The following THSD7B variants were observed in gnomAD, a reference collection of about 807,000 sequenced individuals.
THSD7B encodes thrombospondin type 1 domain containing 7B.
Under a neutral mutation model 213.6 loss-of-function variants are expected in THSD7B, and 138 were observed. The observed-to-expected ratio is 0.65, with a 90% CI of 0.56 to 0.74. The LOEUF (loss-of-function observed/expected upper bound fraction) is 0.74. THSD7B is among the 30% of genes least tolerant of loss of function. The pLI, the probability that THSD7B is intolerant of heterozygous loss-of-function variation, is 0.00. For synonymous variants in THSD7B, 742 were observed against 687.0 expected (o/e 1.08, Z -1.25); for missense variants, 1,931 against 1,991.5 (o/e 0.97, Z 0.58).
intron 15 of THSD7B, among the ~76,000 whole-genome samples, chr2:137,482,246 A>C (rs901583422): frequency 3.3e-5 from 5 of 152,010 alleles, no homozygotes; most frequent in African/African-American, 1.2e-4. Flanking sequence ...AAAACTGTTG[A>C]CTAATCATTA....
intron 15 of THSD7B, among the ~76,000 whole-genome samples, chr2:137,544,664 T>G (rs1176508664): frequency 6.6e-6 from 1 of 151,900 alleles, no homozygotes; most frequent in Non-Finnish European, 1.5e-5. Flanking sequence ...AGAGTGATTT[T>G]TATAATATTC....
At chr2:137,459,114 A>G (rs1687827933) in intron 15 of THSD7B, among the ~76,000 whole-genome samples, 1 of 152,118 alleles carries the variant, frequency 6.6e-6, no homozygotes, top group Non-Finnish European at 1.5e-5. Context: ...GACCTCTTAT[A>G]CTAGTTTGAA....
At chr2:136,838,427 A>G in intron 1 of THSD7B, among the ~76,000 whole-genome samples, 1 of 152,200 alleles carries the variant, frequency 6.6e-6, no homozygotes, top group East Asian at 1.9e-4. Flanking sequence ...ATGAAGCTGT[A>G]TAATAAAAGT....
chr2:136,784,247 A>G (rs571026878), intron 1 of THSD7B, among the ~76,000 whole-genome samples: 2 of 152,332 alleles, frequency 1.3e-5, no homozygotes, highest in South Asian at 4.1e-4. Flanking sequence ...TCAGGGCAAA[A>G]CAAAAGTAAT....
At chr2:136,772,632 C>T (rs528080410) in intron 1 of THSD7B, among the ~76,000 whole-genome samples, 2 of 152,156 alleles carry the variant, frequency 1.3e-5, no homozygotes, top group African/African-American at 4.8e-5. Flanking sequence ...ATGAGTTGTT[C>T]GATGTGAGTG....
chr2:136,869,716 T>A (rs1683399756), intron 1 of THSD7B, among the ~76,000 whole-genome samples: 1 of 152,224 alleles, frequency 6.6e-6, no homozygotes, highest in Non-Finnish European at 1.5e-5. Flanking sequence ...AGCCATTTTG[T>A]GCTTTAAAAA....
At chr2:136,964,826 CTG>C (rs2105089350) in intron 2 of THSD7B, among the ~76,000 whole-genome samples, 1 of 152,172 alleles carries the variant, frequency 6.6e-6, no homozygotes, top group East Asian at 1.9e-4. Context: ...TATGGTGACA[CTG>C]TGTCTCTACT....
intron 10 of THSD7B, among the ~76,000 whole-genome samples, chr2:137,243,668 C>T (rs963599951): frequency 2.0e-5 from 3 of 152,172 alleles, no homozygotes; most frequent in Admixed American, 6.5e-5. Context: ...GTGAGAGTGA[C>T]GTGAAAATAA....
At chr2:137,048,931 C>T (rs182042327) in intron 2 of THSD7B, among the ~76,000 whole-genome samples, 2 of 152,292 alleles carry the variant, frequency 1.3e-5, no homozygotes, top group Non-Finnish European at 2.9e-5. Flanking sequence ...TTCAGGAGAA[C>T]GTTGTGTGGG....
At chr2:137,453,294 T>C (rs1687688557) in intron 15 of THSD7B, among the ~76,000 whole-genome samples, 1 of 151,866 alleles carries the variant, frequency 6.6e-6, no homozygotes, top group African/African-American at 2.4e-5. Flanking sequence ...CCTCAAATAC[T>C]TTTTTTCTCT....
rs1261202251 is a variant in THSD7B, at chr2:137,125,559, A to G, written c.1369+10266A>G. The stretch of plus-strand genomic sequence containing the variant: ...ATGTGTAGTTACTTATTCCACTGAA[A>G]TCTTGAATACCTCAAAGTCATTCAT... On this transcript the variant is annotated intron_variant, in intron 5 of 27. Coordinates refer to ENST00000409968, the MANE Select transcript of THSD7B (RefSeq NM_001316349.2). Among the ~76,000 whole-genome samples, 3 of 152,216 alleles carry G rather than the reference A, an allele frequency of 2.0e-5. No individual in the cohort carries two copies. In the East Asian group the frequency reaches 5.8e-4, roughly 29 times the overall value.
chr2:137,232,845 C>A, intron 8 of THSD7B, 54 bp from the exon 9 acceptor site: 2 of 1,565,470 alleles, frequency 1.3e-6, no homozygotes, highest in Non-Finnish European at 1.7e-6. Flanking sequence ...GCAGAAACAA[C>A]AAAAACAAGA....
chr2:137,478,799 G>C (rs1172783526), intron 15 of THSD7B, among the ~76,000 whole-genome samples: 2 of 152,138 alleles, frequency 1.3e-5, no homozygotes, highest in African/African-American at 4.8e-5. Context: ...GCATAGTATA[G>C]TTTTCATATG....
intron 1 of THSD7B, among the ~76,000 whole-genome samples, chr2:136,793,420 A>C (rs767870979): frequency 2.0e-5 from 3 of 152,060 alleles, no homozygotes; most frequent in African/African-American, 7.2e-5. Context: ...CCATTCTAAA[A>C]ATTGGGTTGG....
At chr2:137,631,473 C>T (rs1682740673) in intron 20 of THSD7B, among the ~76,000 whole-genome samples, 3 of 152,066 alleles carry the variant, frequency 2.0e-5, no homozygotes, top group Non-Finnish European at 4.4e-5. Flanking sequence ...ATGACCCAGC[C>T]TACTTCTTGT....
intron 12 of THSD7B, among the ~76,000 whole-genome samples, chr2:137,360,578 A>G (rs1035049977): frequency 6.6e-6 from 1 of 152,196 alleles, no homozygotes; most frequent in Non-Finnish European, 1.5e-5. Context: ...TGCCTGGCTC[A>G]GTGGGTGCCA....
intron 12 of THSD7B, among the ~76,000 whole-genome samples, chr2:137,355,520 T>A (rs1685106896): frequency 6.6e-6 from 1 of 152,110 alleles, no homozygotes; most frequent in Non-Finnish European, 1.5e-5. Context: ...AAATATAAAT[T>A]CACTGTGTAG....
At chr2:136,877,220 A>G (rs1164611969) in intron 1 of THSD7B, among the ~76,000 whole-genome samples, 2 of 152,234 alleles carry the variant, frequency 1.3e-5, no homozygotes, top group African/African-American at 2.4e-5. Context: ...AGCTTCACAC[A>G]AAAATACCAT....
intron 2 of THSD7B, among the ~76,000 whole-genome samples, chr2:136,944,010 T>C (rs536315630): frequency 3.5e-4 from 53 of 152,358 alleles, no homozygotes; most frequent in African/African-American, 1.2e-3. Flanking sequence ...CTTTCTCTTG[T>C]GGGCATCTAG....
Sources: allele counts gnomAD v4.1 joint callset (sites outside exome capture counted in the v4.1 genomes callset), GRCh38; gene constraint gnomAD v4.1.1; transcripts MANE v1.5; gene names NCBI Gene and HGNC (gene_info 2026-07-23, HGNC 2026-07-21).